MOV10: variants seen among roughly 807,000 people sequenced by gnomAD.
MOV10 encodes the protein RNA helicase MOV-10.
Under a neutral mutation model 108.4 loss-of-function variants are expected in MOV10, and 39 were observed. The observed-to-expected ratio is 0.36, with a 90% CI of 0.28 to 0.47. MOV10 has a LOEUF of 0.47. Ranked by LOEUF, MOV10 falls within the 20% of genes least tolerant of loss-of-function variation. The pLI is 1.00. For missense variants in MOV10, 952 were observed against 1,297.6 expected (o/e 0.73, Z 4.09); for synonymous variants, 490 against 523.1 (o/e 0.94, Z 0.86).
chr1:112,695,355 A>G, intron 10 of MOV10, 61 bp from the exon 11 acceptor site: 1 of 1,570,100 alleles, frequency 6.4e-7, no homozygotes, highest in East Asian at 2.2e-5. Context: ...GCCCTGCCCC[A>G]GCCTGGGTAC....
In MOV10 at chr1:112,699,602, C is replaced by G. The variant is rs544002749; in HGVS notation, c.2584-83C>G. ...AATTGCCCAGTGACCTCTCTGTACC[C>G]TCCTTGGAAGGCAAGCTCCCTGGGG... is the stretch of plus-strand genomic sequence containing the variant. On this transcript the variant is annotated intron_variant, in intron 17 of 20. Coordinates refer to ENST00000369645, the MANE Select transcript of MOV10 (RefSeq NM_001321324.2). 1.9e-6 allele frequency: 3 copies of G among 1,593,462 alleles called. No homozygotes were observed. The Admixed American group carries it at 5.2e-5, about 28-fold the overall frequency.
In MOV10 at chr1:112,699,951, C is replaced by T. The variant is rs768457349; in HGVS notation, c.2767C>T (p.Leu923Phe). Residue 923 changes from leucine to phenylalanine, a missense_variant, in exon 19 of 21, where the codon CTT becomes TTT. This residue lies in a region of MOV10 where 65 missense variants were observed against 124.3 expected (regional missense o/e 0.52). Coordinates refer to ENST00000369645, the MANE Select transcript of MOV10 (RefSeq NM_001321324.2). Reference sequence around the variant, plus strand: ...CCTGCTCATCATCGTGGGGAACCCCCTTCTCCTGGGCCATGACCCTGACTG... The same window carrying T: ...CCTGCTCATCATCGTGGGGAACCCCTTTCTCCTGGGCCATGACCCTGACTG... ...KALLIIVGNP[L>F]LLGHDPDWKV... is the part of the protein sequence containing the mutation. The T allele has an allele frequency of 7.2e-5, 117 of 1,614,098 alleles. No homozygotes were observed. The highest frequency in any genetic ancestry group is 9.7e-5 in the Non-Finnish European group (115 of 1,180,044).
At chr1:112,700,187 A>C (rs748108129) in intron 19 of MOV10, 32 bp from the exon 20 acceptor site, 6 of 1,613,644 alleles carry the variant, frequency 3.7e-6, no homozygotes, top group Middle Eastern at 1.7e-4. Context: ...CTTAGCCTCC[A>C]GTCTCTGCTG....
At chr1:112,697,937 C>T (rs1674258220) in intron 14 of MOV10, 57 bp from the exon 15 acceptor site, 4 of 1,454,362 alleles carry the variant, frequency 2.8e-6, no homozygotes, top group Non-Finnish European at 3.9e-6. Flanking sequence ...AGCGGAGCCC[C>T]TGTAGGGCAG....
intron 17 of MOV10, chr1:112,699,311 C>G (rs1674411101): frequency 3.1e-6 from 1 of 318,388 alleles, no homozygotes; most frequent in African/African-American, 2.2e-5. Context: ...ACTTACAGGC[C>G]TCTCTCTTGG....
chr1:112,698,573 G>C (rs905805730), intron 16 of MOV10, 95 bp downstream of exon 16: 16 of 1,456,522 alleles, frequency 1.1e-5, no homozygotes, highest in Non-Finnish European at 1.4e-5. Flanking sequence ...AGGAGCTTAG[G>C]CCTCTGCTGG....
At chr1:112,691,635 T>C in intron 5 of MOV10, 30 bp from the exon 6 acceptor site, 1 of 1,606,624 alleles carries the variant, frequency 6.2e-7, no homozygotes. Flanking sequence ...GGTGAGGGGT[T>C]TTCTGTGTTT....
Position 112,698,440 on chromosome 1 carries a change from C to T in MOV10, c.2470C>T (p.Pro824Ser). The change falls in exon 16 of 21, where the codon CCT becomes TCT. Residue 824 changes from proline to serine, a missense_variant. Physicochemically the swap from Pro to Ser is moderately conservative, Grantham distance 74. This residue lies in a region of MOV10 where 453 missense variants were observed against 611.5 expected (regional missense o/e 0.74). Coordinates refer to ENST00000369645, the MANE Select transcript of MOV10 (RefSeq NM_001321324.2). The stretch of plus-strand genomic sequence containing the variant: ...CAAGAAGGGCAAAGCTCGCCTGAGC[C>T]CTCGAAGTGTGGGCGTCATCTCCCC... ...SSKKGKARLSPRSVGVISPYR... is the reference protein window; with the variant it reads ...SSKKGKARLSSRSVGVISPYR... The T allele has an allele frequency of 6.2e-7, 1 of 1,614,154 alleles. No homozygotes were observed.
chr1:112,697,157 A>G (rs1674179405), intron 14 of MOV10, among the ~76,000 whole-genome samples: 1 of 152,164 alleles, frequency 6.6e-6, no homozygotes. Context: ...AAGGAGAGAT[A>G]AGAAAAATAG....
In MOV10 at chr1:112,699,671, T is replaced by A; in HGVS notation, c.2584-14T>A. The A allele has an allele frequency of 3.1e-6, 5 of 1,614,166 alleles. No individual in the cohort carries two copies. Among genetic ancestry groups the A allele is most frequent in the Non-Finnish European group, 4.2e-6 (5 of 1,180,016 alleles). ...CCCCTGGCTGGTCTCAGGCCCTGCC[T>A]CTTTCCCCACTAGGTGGGTTCAGTA... On this transcript the variant is annotated splice_polypyrimidine_tract_variant and intron_variant, in intron 17 of 20. Coordinates refer to ENST00000369645, the MANE Select transcript of MOV10 (RefSeq NM_001321324.2).
chr1:112,687,552 C>T (rs1673172094), intron 2 of MOV10, among the ~76,000 whole-genome samples: 3 of 152,202 alleles, frequency 2.0e-5, no homozygotes, highest in African/African-American at 4.8e-5. Flanking sequence ...GCGGGGAAAA[C>T]GACTGCAGAC....
chr1:112,700,292 G>A lies in MOV10; in HGVS notation c.2872G>A (p.Gly958Arg), dbSNP rs911986294. 2 of 1,614,038 alleles carry A rather than the reference G, an allele frequency of 1.2e-6. No homozygotes were observed. The highest frequency in any genetic ancestry group is 1.3e-5 in the African/African-American group (1 of 74,906). ...PFPAKLDLQQ[G>R]QNLLQGLSKL... ...CCCTGCCAAACTGGACCTGCAACAG[G>A]GACAGAATTTACTGCAAGGTCTGAG... Residue 958 changes from glycine (G) to arginine (R), a missense_variant, in exon 20 of 21, where the codon GGA becomes AGA. By Grantham distance (125) the Gly-to-Arg change is moderately radical. Coordinates refer to ENST00000369645, the MANE Select transcript of MOV10 (RefSeq NM_001321324.2).
At chr1:112,684,262 ATTTTT>A (rs71084487) in intron 2 of MOV10, among the ~76,000 whole-genome samples, 2 of 93,834 alleles carry the variant, frequency 2.1e-5, no homozygotes. Flanking sequence ...AGTCCCTGGG[ATTTTT>A]TTTTTTTTTT....
In MOV10 at chr1:112,688,937, T is replaced by C; in HGVS notation, c.140T>C (p.Phe47Ser). Residue 47 changes from phenylalanine to serine, a missense_variant and splice_region_variant, in exon 3 of 21, where the codon TTT (phenylalanine) becomes TCT (serine). Phe to Ser is a radical substitution (Grantham distance 155). Around this residue, in one of 5 missense-constraint regions of MOV10, gnomAD observed 374 missense variants for 468.6 expected, o/e 0.80. Coordinates refer to ENST00000369645, the MANE Select transcript of MOV10 (RefSeq NM_001321324.2). ...TIYNRDFKIS[F>S]GTPAPGFSSM... Reference sequence around the variant, plus strand: ...CCAGTCTCCTCTGCTTCTGGCAGCTTTGGGACCCCCGCCCCTGGCTTCTCC... The same window carrying C: ...CCAGTCTCCTCTGCTTCTGGCAGCTCTGGGACCCCCGCCCCTGGCTTCTCC... 1 of 1,612,218 alleles carries C rather than the reference T, an allele frequency of 6.2e-7. No homozygotes were observed. Among genetic ancestry groups the C allele is most frequent in the Non-Finnish European group, 8.5e-7 (1 of 1,179,968 alleles).
chr1:112,688,685 C>A, intron 2 of MOV10: 1 of 1,382,216 alleles, frequency 7.2e-7, no homozygotes, highest in Admixed American at 3.0e-5. Context: ...CCCTCAGAAA[C>A]GAACAATCCA....
Position 112,689,993 on chromosome 1 carries a change from G to GC in MOV10, c.736dup (p.Leu246ProfsTer33). 6.2e-7 allele frequency: 1 copy of GC among 1,614,110 alleles called. No homozygotes were observed. The highest frequency in any genetic ancestry group is 8.5e-7 in the Non-Finnish European group (1 of 1,180,026). ...CGCTTCTTGGCTGCCGTCGCCCACA[G>GC]CCCCCTGGCTGCACAGCTGAAGCCC... On this transcript the variant is annotated frameshift_variant, in exon 5 of 21. Coordinates refer to ENST00000369645, the MANE Select transcript of MOV10 (RefSeq NM_001321324.2). LOFTEE classifies it high-confidence loss of function.
rs1431137870 is a variant in MOV10 at position 112,696,152 on chromosome 1, G to A, written c.1784G>A (p.Cys595Tyr). ...TGGTCCCTTCACAATCCACAGCCCT[G>A]CTGCAACTGGGACGCAAAGAAGGGG... ...IRMVPEDIKP[C>Y]CNWDAKKGEY... The change falls in exon 12 of 21, where the codon TGC (cysteine) becomes TAC (tyrosine). Residue 595 changes from cysteine to tyrosine, a missense_variant. Cys to Tyr is a radical substitution (Grantham distance 194). Around this residue, in one of 5 missense-constraint regions of MOV10, gnomAD observed 453 missense variants for 611.5 expected, o/e 0.74. Coordinates refer to ENST00000369645, the MANE Select transcript of MOV10 (RefSeq NM_001321324.2). 1 of 1,611,816 alleles carries A rather than the reference G, an allele frequency of 6.2e-7. No individual in the cohort carries two copies. The highest frequency in any genetic ancestry group is 8.5e-7 in the Non-Finnish European group (1 of 1,178,718).
chr1:112,679,593 C>T (rs952472483), intron 2 of MOV10, among the ~76,000 whole-genome samples: 7 of 151,722 alleles, frequency 4.6e-5, no homozygotes, highest in African/African-American at 1.7e-4. Flanking sequence ...TAGGGGGTGG[C>T]CTAGTGTAGG....
intron 10 of MOV10, 140 bp from the exon 11 acceptor site, chr1:112,695,276 C>T: frequency 1.3e-6 from 1 of 795,880 alleles, no homozygotes; most frequent in Middle Eastern, 3.1e-4. Context: ...GGCTGTGGAG[C>T]ACTGTTGTAC....
Sources: allele counts gnomAD v4.1 joint callset (sites outside exome capture counted in the v4.1 genomes callset), GRCh38; gene constraint gnomAD v4.1.1; regional missense constraint gnomAD v4.1.1; transcripts MANE v1.5; gene names NCBI Gene and HGNC (gene_info 2026-07-23, HGNC 2026-07-21).